Variants in NEO1 observed in about 807,000 individuals in gnomAD.
NEO1 encodes neogenin 1.
NEO1 carries 63 observed loss-of-function variants against 159.7 expected under a neutral mutation model. That is an observed-to-expected ratio of 0.39 (90% confidence interval 0.32 to 0.49). NEO1 has a LOEUF of 0.49. Ranked by LOEUF, NEO1 falls within the 20% of genes least tolerant of loss-of-function variation. The pLI is 0.85. For missense variants in NEO1, 1,615 were observed against 1,831.0 expected, an observed-to-expected ratio of 0.88 and a Z score of 2.15; for synonymous variants, 633 against 662.0, an observed-to-expected ratio of 0.96 and a Z score of 0.67.
At chr15:73,084,777 CTTTT>C (rs1164952019) in intron 1 of NEO1, among the ~76,000 whole-genome samples, 1 of 150,292 alleles carries the variant, frequency 6.7e-6, no homozygotes, top group African/African-American at 2.5e-5. Flanking sequence ...TTACCTTTTT[CTTTT>C]TGTGTGTGTG....
At chr15:73,271,815 G>A (rs8036434) in intron 18 of NEO1, among the ~76,000 whole-genome samples, 1,966 of 150,390 alleles carry the variant, frequency 0.013, 18 homozygotes, top group Middle Eastern at 0.028. Context: ...GCTAAGGCAC[G>A]AGAATCACTT....
chr15:73,265,496 T>C (rs2040842698), intron 15 of NEO1, among the ~76,000 whole-genome samples: 1 of 152,152 alleles, frequency 6.6e-6, no homozygotes, highest in East Asian at 1.9e-4. Context: ...TGAATGAAAG[T>C]GCATAGGGTG....
chr15:73,108,865 G>T (rs573140415), intron 1 of NEO1, among the ~76,000 whole-genome samples: 1 of 152,148 alleles, frequency 6.6e-6, no homozygotes. Flanking sequence ...AGGCCCCAGC[G>T]TGAGAAAGGA....
chr15:73,203,389 A>G (rs1234620374), intron 7 of NEO1, among the ~76,000 whole-genome samples: 1 of 152,072 alleles, frequency 6.6e-6, no homozygotes, highest in African/African-American at 2.4e-5. Flanking sequence ...GACAGCACAT[A>G]GTTTGTCTTG....
chr15:73,148,641 T>C (rs2151822977), intron 5 of NEO1, among the ~76,000 whole-genome samples: 1 of 152,344 alleles, frequency 6.6e-6, no homozygotes, highest in South Asian at 2.1e-4. Flanking sequence ...AGGAGCATTT[T>C]ATATCAGAGC....
intron 13 of NEO1, among the ~76,000 whole-genome samples, chr15:73,257,655 A>G (rs954103007): frequency 1.3e-5 from 2 of 152,204 alleles, no homozygotes; most frequent in Non-Finnish European, 2.9e-5. Context: ...TATGATATGT[A>G]TTGTATACCT....
chr15:73,109,760 C>T (rs891097780), intron 1 of NEO1, among the ~76,000 whole-genome samples: 31 of 151,830 alleles, frequency 2.0e-4, no homozygotes, highest in African/African-American at 6.3e-4. Context: ...AGTTGTATGC[C>T]GTGAAGTTTT....
chr15:73,267,088 C>T (rs939548574), intron 16 of NEO1, among the ~76,000 whole-genome samples: 5 of 152,176 alleles, frequency 3.3e-5, no homozygotes, highest in Admixed American at 3.3e-4. Context: ...GAAACCCTAT[C>T]TCTACTAAAA....
chr15:73,088,266 C>T (rs2069476524), intron 1 of NEO1, among the ~76,000 whole-genome samples: 1 of 151,702 alleles, frequency 6.6e-6, no homozygotes. Context: ...TATGAGACAT[C>T]TTTGTAGATC....
At chr15:73,288,088 G>C in intron 23 of NEO1, among the ~76,000 whole-genome samples, 1 of 152,068 alleles carries the variant, frequency 6.6e-6, no homozygotes, top group Middle Eastern at 3.2e-3. Context: ...AAAGACCCTG[G>C]TAAGTATCTC....
chr15:73,297,673 TATC>T (rs1300589166), intron 26 of NEO1, among the ~76,000 whole-genome samples: 1 of 152,218 alleles, frequency 6.6e-6, no homozygotes, highest in African/African-American at 2.4e-5. Context: ...TTGAGATTGT[TATC>T]ATGTTCTTCC....
intron 21 of NEO1, 112 bp from the exon 22 acceptor site, chr15:73,278,018 TG>T: frequency 2.4e-6 from 2 of 832,068 alleles, no homozygotes; most frequent in Non-Finnish European, 3.8e-6. Flanking sequence ...TATTTTCTCA[TG>T]GACAGAATAG....
chr15:73,154,898 AGTT>A (rs1232299759), intron 5 of NEO1, among the ~76,000 whole-genome samples: 11 of 152,076 alleles, frequency 7.2e-5, no homozygotes, highest in Admixed American at 7.2e-4. Flanking sequence ...ATTGTTTTCT[AGTT>A]GTTTTATAAA....
chr15:73,223,659 CA>C (rs763712746), intron 7 of NEO1, among the ~76,000 whole-genome samples: 154 of 152,228 alleles, frequency 1.0e-3, no homozygotes, highest in Non-Finnish European at 1.6e-3. Flanking sequence ...CCTTTAAGTT[CA>C]TATGAGTCCT....
At chr15:73,218,137 G>A (rs893298667) in intron 7 of NEO1, among the ~76,000 whole-genome samples, 42 of 152,228 alleles carry the variant, frequency 2.8e-4, no homozygotes, top group Admixed American at 1.8e-3. Flanking sequence ...TAGCATGAAC[G>A]GCTGTTGAAT....
chr15:73,175,724 G>A (rs1326153386), intron 5 of NEO1, among the ~76,000 whole-genome samples: 1 of 152,090 alleles, frequency 6.6e-6, no homozygotes, highest in Non-Finnish European at 1.5e-5. Flanking sequence ...TATATCATTA[G>A]GTAGGATGCT....
intron 1 of NEO1, among the ~76,000 whole-genome samples, chr15:73,109,765 A>T (rs556063152): frequency 2.5e-4 from 38 of 152,280 alleles, no homozygotes; most frequent in Middle Eastern, 6.8e-3. Flanking sequence ...TATGCCGTGA[A>T]GTTTTAAAAG....
At chr15:73,182,328 A>G (rs17829836) in intron 7 of NEO1, among the ~76,000 whole-genome samples, 54,809 of 151,894 alleles carry the variant, frequency 0.36, 10,638 homozygotes, top group Admixed American at 0.47. Flanking sequence ...AAACAGAAAA[A>G]GAGGGCAGAT....
intron 15 of NEO1, 63 bp downstream of exon 15, chr15:73,260,528 G>T: frequency 7.4e-7 from 1 of 1,354,932 alleles, no homozygotes; most frequent in East Asian, 2.5e-5. Context: ...AACCTTTTAT[G>T]TAATATTTTT....
Sources: allele counts gnomAD v4.1 joint callset (sites outside exome capture counted in the v4.1 genomes callset), GRCh38; gene constraint gnomAD v4.1.1; transcripts MANE v1.5; gene names NCBI Gene and HGNC (gene_info 2026-07-23, HGNC 2026-07-21).